The following COMMD7 variants were observed in gnomAD, a reference collection of about 807,000 sequenced individuals.
COMMD7 encodes COMM domain-containing protein 7.
In COMMD7, 28 loss-of-function variants were observed where a neutral mutation model predicts 34.8. That is an observed-to-expected ratio of 0.80 (90% confidence interval 0.60 to 1.10). The LOEUF is 1.10. Ranked by LOEUF, COMMD7 falls within the 50% of genes least tolerant of loss-of-function variation. The pLI is 0.00. For missense variants in COMMD7, 211 were observed against 241.6 expected (o/e 0.87, Z 0.84); for synonymous variants, 80 against 86.4 (o/e 0.93, Z 0.41).
intron 5 of COMMD7, among the ~76,000 whole-genome samples, chr20:32,705,385 T>TTC: frequency 6.7e-6 from 1 of 149,346 alleles, no homozygotes; most frequent in Non-Finnish European, 1.5e-5. Context: ...TATTTTTTTT[T>TTC]TTCTTTGAGA....
At chr20:32,703,826 G>T in intron 8 of COMMD7, 197 bp downstream of exon 8, 1 of 1,540,880 alleles carries the variant, frequency 6.5e-7, no homozygotes, top group Non-Finnish European at 8.7e-7. Context: ...CTCTTCAACT[G>T]TGGGGGCTCC....
chr20:32,743,237 T>TGGCCCCCCCCCCCCCCCCCCCCCCCCC, intron 1 of COMMD7, 71 bp downstream of exon 1: 1 of 526,960 alleles, frequency 1.9e-6, no homozygotes, highest in Non-Finnish European at 3.1e-6. Context: ...CCCCCGGACG[T>TGGCCCCCCCCCCCCCCCCCCCCCCCCC]CCCCCCCACC....
In COMMD7 at chr20:32,707,478, C is replaced by A. The variant is rs1353841537; in HGVS notation, c.242-718G>T. Among the ~76,000 whole-genome samples, 4 of 151,540 alleles carry A rather than the reference C, an allele frequency of 2.6e-5. No homozygotes were observed. In the East Asian group the frequency reaches 7.9e-4, roughly 30 times the overall value. On this transcript the variant is annotated intron_variant, in intron 3 of 8. Coordinates refer to ENST00000278980, the MANE Select transcript of COMMD7 (RefSeq NM_053041.3). Reference sequence around the variant, plus strand: ...GGGACTACAGGCGTGCGCCACCACACCAAACCAATTTTTGTATTTTTAGTA... The same window carrying A: ...GGGACTACAGGCGTGCGCCACCACAACAAACCAATTTTTGTATTTTTAGTA...
chr20:32,728,453 C>G (rs1416028016), intron 1 of COMMD7, among the ~76,000 whole-genome samples: 1 of 45,276 alleles, frequency 2.2e-5, no homozygotes, highest in Admixed American at 1.5e-4. Context: ...GACATACACA[C>G]ACACACACAC....
At chr20:32,718,034 A>T in intron 3 of COMMD7, among the ~76,000 whole-genome samples, 1 of 151,546 alleles carries the variant, frequency 6.6e-6, no homozygotes. Flanking sequence ...GGTTGCAGCG[A>T]GCCGAGATCG....
At chr20:32,730,969 T>C (rs1181762582) in intron 1 of COMMD7, among the ~76,000 whole-genome samples, 1 of 152,208 alleles carries the variant, frequency 6.6e-6, no homozygotes, top group Non-Finnish European at 1.5e-5. Flanking sequence ...TCCCTTCTGC[T>C]ATGACACATT....
chr20:32,739,292 G>A lies in COMMD7; in HGVS notation c.84+4016C>T, dbSNP rs2145790377. On this transcript the variant is annotated intron_variant, in intron 1 of 8. Coordinates refer to ENST00000278980, the MANE Select transcript of COMMD7 (RefSeq NM_053041.3). Reference sequence around the variant, plus strand: ...AGCCTAGACAACATAGGGAGACCCTGTCTCAATTTAAAATAATAACAGCAA... The same window carrying A: ...AGCCTAGACAACATAGGGAGACCCTATCTCAATTTAAAATAATAACAGCAA... 1.3e-5 allele frequency among the ~76,000 whole-genome samples: 2 copies of A among 152,210 alleles called. 1 individual carries two copies. The highest frequency in any genetic ancestry group is 4.1e-4 in the South Asian group (2 of 4,820).
At chr20:32,730,713 C>A (rs923635136) in intron 1 of COMMD7, among the ~76,000 whole-genome samples, 2 of 152,082 alleles carry the variant, frequency 1.3e-5, no homozygotes, top group African/African-American at 4.8e-5. Context: ...GTGTCCCAGT[C>A]CCCACGAGGA....
intron 5 of COMMD7, among the ~76,000 whole-genome samples, chr20:32,705,312 G>GTATATATATACACACATATATA (rs1555822086): frequency 0.018 from 2,682 of 149,234 alleles, 80 homozygotes; most frequent in African/African-American, 0.063. Context: ...GCATATATAT[G>GTATATATATACACACATATATA]TGTATATATA....
At chr20:32,706,781 C>T in intron 3 of COMMD7, 21 bp from the exon 4 acceptor site, 1 of 1,608,462 alleles carries the variant, frequency 6.2e-7, no homozygotes, top group Non-Finnish European at 8.5e-7. Flanking sequence ...GGGGAGAAAT[C>T]AGTTAGAAAG....
At position 32,704,425 on chromosome 20, in the gene COMMD7, C is replaced by T. The variant is rs1260356070; in HGVS notation, c.477+15G>A. On this transcript the variant is annotated intron_variant, in intron 7 of 8. Coordinates refer to ENST00000278980, the MANE Select transcript of COMMD7 (RefSeq NM_053041.3). ...CAAAAATCTACCCATTTTCAAGGAT[C>T]AGGAGAAGACTTACTTGTAAAAATA... 6.2e-7 allele frequency: 1 copy of T among 1,604,816 alleles called. No individual in the cohort carries two copies. The highest frequency in any genetic ancestry group is 1.1e-5 in the South Asian group (1 of 89,284).
intron 3 of COMMD7, among the ~76,000 whole-genome samples, chr20:32,714,844 A>ACAACAACAG: frequency 6.7e-6 from 1 of 150,026 alleles, no homozygotes; most frequent in African/African-American, 2.5e-5. Context: ...AACAACAACA[A>ACAACAACAG]CAACAACAAC....
At chr20:32,731,370 C>A (rs1288351150) in intron 1 of COMMD7, among the ~76,000 whole-genome samples, 1 of 152,102 alleles carries the variant, frequency 6.6e-6, no homozygotes, top group Non-Finnish European at 1.5e-5. Flanking sequence ...GTGGTATGCA[C>A]CTGTAGTTCT....
chr20:32,705,662 C>T (rs1457868497), intron 5 of COMMD7, among the ~76,000 whole-genome samples: 3 of 152,034 alleles, frequency 2.0e-5, no homozygotes, highest in African/African-American at 4.8e-5. Flanking sequence ...CGTGAGCCAC[C>T]GGGCCTGGCC....
intron 3 of COMMD7, among the ~76,000 whole-genome samples, chr20:32,712,713 C>G (rs1984541059): frequency 7.2e-6 from 1 of 139,852 alleles, no homozygotes; most frequent in Admixed American, 7.4e-5. Flanking sequence ...ACACAGATAA[C>G]TTTGAGATGG....
intron 8 of COMMD7, chr20:32,703,788 T>C (rs1568769174): frequency 2.6e-6 from 4 of 1,524,092 alleles, no homozygotes; most frequent in South Asian, 1.2e-5. Context: ...AGCCATTCCG[T>C]TCCCACCCTT....
chr20:32,703,933 A>G, intron 8 of COMMD7, 90 bp downstream of exon 8: 1 of 1,599,356 alleles, frequency 6.3e-7, no homozygotes, highest in South Asian at 1.1e-5. Context: ...CTGTTTTTAT[A>G]GAAGACATGA....
rs1986219705 is a variant in COMMD7 at position 32,737,746 on chromosome 20, G to A, written c.84+5562C>T. 2.0e-5 allele frequency among the ~76,000 whole-genome samples: 3 copies of A among 152,020 alleles called. No individual in the cohort carries two copies. In the South Asian group the frequency reaches 6.2e-4, roughly 32 times the overall value. On this transcript the variant is annotated intron_variant, in intron 1 of 8. Transcript: ENST00000278980. ...CCAGCTACTCAAGAGGCTGAGGCAG[G>A]AGGACTCCTTGAGCCCAGGAGTTCA...
Position 32,703,434 on chromosome 20 carries a change from C to CTGA in COMMD7, c.550_551insTCA (p.Tyr183_Ser184insIle), listed in dbSNP as rs1362610425. 1.6e-5 allele frequency: 26 copies of CTGA among 1,613,846 alleles called. No individual in the cohort carries two copies. The highest frequency in any genetic ancestry group is 2.0e-5 in the Non-Finnish European group (24 of 1,179,958). On this transcript the variant is annotated inframe_insertion, in exon 9 of 9. Coordinates refer to ENST00000278980, the MANE Select transcript of COMMD7 (RefSeq NM_053041.3). The stretch of plus-strand genomic sequence containing the variant: ...GACTCGCTCCATCTCGTGCAGGAAG[C>CTGA]TGTAGAACTGAGGCAAGGTTAATTC...
Sources: allele counts gnomAD v4.1 joint callset (sites outside exome capture counted in the v4.1 genomes callset), GRCh38; gene constraint gnomAD v4.1.1; transcripts MANE v1.5; gene names NCBI Gene and HGNC (gene_info 2026-07-23, HGNC 2026-07-21).